The following AKAP6 variants were observed in gnomAD, a reference collection of about 807,000 sequenced individuals.
AKAP6 encodes A-kinase anchor protein 6.
In AKAP6, 58 loss-of-function variants were observed where a neutral mutation model predicts 188.5. The ratio of observed to expected loss-of-function variants is 0.31; its 90% confidence interval spans 0.25 to 0.38. The LOEUF is 0.38. Among genes scored for constraint, AKAP6 ranks in the 10% least tolerant of loss-of-function variants. The pLI is 1.00. For missense variants in AKAP6, 2,710 were observed against 2,740.0 expected, an observed-to-expected ratio of 0.99 and a Z score of 0.24; for synonymous variants, 989 against 998.6, an observed-to-expected ratio of 0.99 and a Z score of 0.18.
At chr14:32,379,975 G>A (rs1369417776) in intron 1 of AKAP6, among the ~76,000 whole-genome samples, 1 of 152,156 alleles carries the variant, frequency 6.6e-6, no homozygotes, top group African/African-American at 2.4e-5. Context: ...TCTTGGAGAT[G>A]ACCACAGCTG....
At chr14:32,756,006 C>T (rs2032317444) in intron 11 of AKAP6, among the ~76,000 whole-genome samples, 1 of 152,204 alleles carries the variant, frequency 6.6e-6, no homozygotes, top group Admixed American at 6.5e-5. Flanking sequence ...CTTCACCAGT[C>T]AATTGGTCTA....
intron 12 of AKAP6, among the ~76,000 whole-genome samples, chr14:32,783,226 C>T (rs561303979): frequency 6.6e-5 from 10 of 151,812 alleles, no homozygotes; most frequent in South Asian, 2.1e-4. Flanking sequence ...TAGATTGATC[C>T]GTATAATGTG....
In AKAP6 at chr14:32,349,685, A is replaced by G. The variant is rs553801245; in HGVS notation, c.-35+20277A>G. Among the ~76,000 whole-genome samples the G allele has an allele frequency of 9.2e-5, 14 of 152,334 alleles. No homozygotes were observed. In the Middle Eastern group the frequency reaches 0.01, roughly 111 times the overall value. On this transcript the variant is annotated intron_variant, in intron 1 of 13. Transcript: ENST00000280979. ...CTGTGTTAGGAAGTGCTCGATATACACTAACTCGAAGCTTCAACAAACTTT... is the reference window on the plus strand; with the variant it reads ...CTGTGTTAGGAAGTGCTCGATATACGCTAACTCGAAGCTTCAACAAACTTT...
chr14:32,503,570 A>G (rs368355133), intron 2 of AKAP6, among the ~76,000 whole-genome samples: 57 of 151,534 alleles, frequency 3.8e-4, no homozygotes, highest in African/African-American at 1.3e-3. Flanking sequence ...TGAATCTTTG[A>G]TACATTTGGG....
At chr14:32,626,908 G>A (rs1225856265) in intron 7 of AKAP6, among the ~76,000 whole-genome samples, 1 of 152,050 alleles carries the variant, frequency 6.6e-6, no homozygotes, top group Non-Finnish European at 1.5e-5. Flanking sequence ...CATGTAATAG[G>A]TGCTGCTTTA....
intron 1 of AKAP6, among the ~76,000 whole-genome samples, chr14:32,394,494 T>TA (rs1290866577): frequency 6.6e-6 from 1 of 152,012 alleles, no homozygotes; most frequent in East Asian, 1.9e-4. Flanking sequence ...AAGAATAAAA[T>TA]AAAAAATGTG....
intron 5 of AKAP6, 56 bp downstream of exon 5, chr14:32,577,298 CTTGT>C: frequency 1.9e-6 from 3 of 1,568,950 alleles, no homozygotes; most frequent in South Asian, 2.4e-5. Flanking sequence ...TAATGTACTG[CTTGT>C]TTGTTTATGA....
At chr14:32,688,471 T>C (rs1381883190) in intron 8 of AKAP6, among the ~76,000 whole-genome samples, 1 of 152,148 alleles carries the variant, frequency 6.6e-6, no homozygotes, top group Non-Finnish European at 1.5e-5. Context: ...AACAAATGTG[T>C]ATGTTATGTA....
intron 12 of AKAP6, among the ~76,000 whole-genome samples, chr14:32,806,091 G>A (rs952591116): frequency 7.9e-5 from 12 of 152,150 alleles, no homozygotes; most frequent in African/African-American, 2.4e-4. Context: ...GGATTGAAAG[G>A]AACTGAACCT....
At chr14:32,729,683 C>T (rs2031076667) in intron 9 of AKAP6, among the ~76,000 whole-genome samples, 1 of 152,060 alleles carries the variant, frequency 6.6e-6, no homozygotes, top group Non-Finnish European at 1.5e-5. Context: ...TAAATATGGC[C>T]TTTCAAGAGA....
At chr14:32,704,997 C>T (rs1282453495) in intron 9 of AKAP6, among the ~76,000 whole-genome samples, 3 of 152,146 alleles carry the variant, frequency 2.0e-5, no homozygotes, top group Non-Finnish European at 4.4e-5. Context: ...GTCCTGGTAC[C>T]TGTTCAGAAT....
intron 2 of AKAP6, among the ~76,000 whole-genome samples, chr14:32,456,883 GA>G (rs1250718354): frequency 6.6e-6 from 1 of 152,260 alleles, no homozygotes; most frequent in South Asian, 2.1e-4. Context: ...TAATTTATAT[GA>G]AAAAATCAAT....
rs185671797 is a variant in AKAP6, at chr14:32,540,616, T to G, written c.577-4614T>G. Among the ~76,000 whole-genome samples, 229 of 152,212 alleles carry G rather than the reference T, an allele frequency of 1.5e-3. 1 individual carries two copies. Among genetic ancestry groups the G allele is most frequent in the Non-Finnish European group, 2.6e-3 (175 of 68,022 alleles). ...TGTGATATTTCTGAAATAAGGGCAG[T>G]AAAACCAACAGGCAACACCCCTAAC... On this transcript the variant is annotated intron_variant, in intron 3 of 13. Transcript: ENST00000280979.
intron 9 of AKAP6, among the ~76,000 whole-genome samples, chr14:32,703,753 A>C (rs73266920): frequency 0.011 from 1,663 of 152,340 alleles, 32 homozygotes; most frequent in African/African-American, 0.038. Context: ...TCAATGAGAT[A>C]AGTTTATTCC....
At chr14:32,763,472 CA>C (rs942437562) in intron 11 of AKAP6, among the ~76,000 whole-genome samples, 2 of 152,028 alleles carry the variant, frequency 1.3e-5, no homozygotes, top group African/African-American at 4.8e-5. Flanking sequence ...TCATGACAAC[CA>C]GGAGACAAAT....
intron 7 of AKAP6, among the ~76,000 whole-genome samples, chr14:32,625,995 C>T (rs1256845581): frequency 1.3e-5 from 2 of 152,084 alleles, no homozygotes; most frequent in African/African-American, 4.8e-5. Context: ...TGGGTTCTTA[C>T]CAGCATGGTT....
At chr14:32,622,135 AC>A (rs1886838078) in intron 7 of AKAP6, among the ~76,000 whole-genome samples, 1 of 152,162 alleles carries the variant, frequency 6.6e-6, no homozygotes, top group African/African-American at 2.4e-5. Flanking sequence ...GTACCACTGT[AC>A]TACTATCTAG....
At chr14:32,364,574 T>G (rs1887766824) in intron 1 of AKAP6, among the ~76,000 whole-genome samples, 1 of 152,154 alleles carries the variant, frequency 6.6e-6, no homozygotes, top group South Asian at 2.1e-4. Flanking sequence ...ACTGGAGGTA[T>G]TTTTCAACCT....
chr14:32,672,329 A>G (rs1889237943), intron 7 of AKAP6, among the ~76,000 whole-genome samples: 1 of 152,226 alleles, frequency 6.6e-6, no homozygotes. Context: ...TTCTAACATG[A>G]TTAGGCTGCC....
Sources: allele counts gnomAD v4.1 joint callset (sites outside exome capture counted in the v4.1 genomes callset), GRCh38; gene constraint gnomAD v4.1.1; transcripts MANE v1.5; gene names NCBI Gene and HGNC (gene_info 2026-07-23, HGNC 2026-07-21).